The following NOC3L variants were observed in gnomAD, a reference collection of about 807,000 sequenced individuals.
NOC3L encodes nucleolar complex protein 3 homolog.
Under a neutral mutation model 102.5 loss-of-function variants are expected in NOC3L, and 85 were observed. The ratio of observed to expected loss-of-function variants is 0.83; its 90% CI spans 0.70 to 0.99. The LOEUF is 0.99. Ranked by LOEUF, NOC3L falls within the 50% of genes least tolerant of loss-of-function variation. The pLI, the probability that NOC3L is intolerant of heterozygous loss-of-function variation, is 0.00. For missense variants in NOC3L, 878 were observed against 914.9 expected (o/e 0.96, Z 0.52); for synonymous variants, 303 against 309.4 (o/e 0.98, Z 0.22).
intron 17 of NOC3L, among the ~76,000 whole-genome samples, chr10:94,339,237 A>G (rs1229699525): frequency 2.0e-5 from 3 of 152,246 alleles, no homozygotes; most frequent in Non-Finnish European, 4.4e-5. Context: ...AGGAACAAGA[A>G]TAGTAGCTAC....
At chr10:94,337,333 T>G (rs1159699932) in intron 19 of NOC3L, among the ~76,000 whole-genome samples, 7 of 146,456 alleles carry the variant, frequency 4.8e-5, no homozygotes, top group Non-Finnish European at 9.0e-5. Flanking sequence ...TTTTTTCTCC[T>G]CATCCTGCCC....
At chr10:94,330,722 T>G (rs1554921242), downstream of NOC3L, 3 of 150,980 alleles carry the variant, frequency 2.0e-5, no homozygotes, top group Non-Finnish European at 4.4e-5. Context: ...AAGAGTCTAG[T>G]CTACTATTAT....
At chr10:94,342,470 GA>G (rs2054296731) in intron 13 of NOC3L, among the ~76,000 whole-genome samples, 1 of 151,848 alleles carries the variant, frequency 6.6e-6, no homozygotes. Flanking sequence ...ACTTTTTGGA[GA>G]AGCAATCTGA....
In NOC3L at chr10:94,344,905, C is replaced by T. The variant is rs759357463; in HGVS notation, c.1418G>A (p.Arg473Gln). 102 of 1,610,858 alleles carry T rather than the reference C, an allele frequency of 6.3e-5. No individual in the cohort carries two copies. The East Asian group carries it at 1.9e-3, about 31-fold the overall frequency. The change falls in exon 12 of 21, where the codon CGA becomes CAA. Residue 473 changes from arginine to glutamine, a missense_variant. Arg to Gln is a conservative substitution (Grantham distance 43). Transcript: ENST00000371361. ...KWKKAEEKLE[R>Q]ELREAEASES... ...TGAAGCTTCTGCCTCTCGAAGCTCTCGCTCTAGTTTCTCTTCTGCTTTCTT... is the reference window on the plus strand; with the variant it reads ...TGAAGCTTCTGCCTCTCGAAGCTCTTGCTCTAGTTTCTCTTCTGCTTTCTT...
the NOC3L span, among the ~76,000 whole-genome samples, chr10:94,326,597 ACTT>A: frequency 8.5e-5 from 13 of 152,212 alleles, no homozygotes; most frequent in African/African-American, 2.7e-4. Context: ...CTACAAGATT[ACTT>A]CTTAAGTACA....
At position 94,357,210 on chromosome 10, in the gene NOC3L, T is replaced by C; in HGVS notation, c.472A>G (p.Lys158Glu). 1.2e-6 allele frequency: 2 copies of C among 1,600,424 alleles called. No homozygotes were observed. The highest frequency in any genetic ancestry group is 1.7e-6 in the Non-Finnish European group (2 of 1,173,402). ...CTAGTCTGTGGGATTATACCACTTT[T>C]ATCTTTGATAGGAAGTAAATGAATC... ...ELIHLLPIKDKSGIIPQTREK... is the reference protein window; with the variant it reads ...ELIHLLPIKDESGIIPQTREK... Residue 158 changes from lysine (K) to glutamate (E), a missense_variant, in exon 4 of 21, where the codon AAA becomes GAA. Transcript: ENST00000371361.
At chr10:94,323,695 A>G in the NOC3L span, among the ~76,000 whole-genome samples, 47,603 of 152,130 alleles carry the variant, frequency 0.31, 7,841 homozygotes, top group Middle Eastern at 0.48. Flanking sequence ...ATGATAACTT[A>G]GTTAATATTA....
At chr10:94,359,878 T>A (rs2054532805) in intron 2 of NOC3L, among the ~76,000 whole-genome samples, 1 of 151,842 alleles carries the variant, frequency 6.6e-6, no homozygotes, top group Middle Eastern at 3.4e-3. Flanking sequence ...ATATAATCCA[T>A]CAATCCCACC....
chr10:94,358,096 C>A lies in NOC3L; in HGVS notation c.337G>T (p.Asp113Tyr). 2 of 1,591,702 alleles carry A rather than the reference C, an allele frequency of 1.3e-6. No individual in the cohort carries two copies. The highest frequency in any genetic ancestry group is 8.6e-7 in the Non-Finnish European group (1 of 1,160,276). Residue 113 changes from aspartate (D) to tyrosine (Y), a missense_variant, in exon 3 of 21, where the codon GAT becomes TAT. Asp to Tyr is a radical substitution (Grantham distance 160). Transcript: ENST00000371361. Reference protein sequence around the residue: ...LGQRVSFLTRDLSSSEPVHAK... With the variant: ...LGQRVSFLTRYLSSSEPVHAK... Reference sequence around the variant, plus strand: ...ATGAAGTATTACCTAGAAGAAAGATCTCTTGTTAGAAAAGATACTCTTTGT... The same window carrying A: ...ATGAAGTATTACCTAGAAGAAAGATATCTTGTTAGAAAAGATACTCTTTGT...
the NOC3L span, among the ~76,000 whole-genome samples, chr10:94,318,104 C>T: frequency 6.6e-6 from 1 of 152,304 alleles, no homozygotes; most frequent in South Asian, 2.1e-4. Context: ...GAGCCCAGAG[C>T]CACTGCCTTC....
chr10:94,341,644 C>A (rs771425498), intron 14 of NOC3L, 29 bp downstream of exon 14: 11 of 1,213,692 alleles, frequency 9.1e-6, no homozygotes, highest in Non-Finnish European at 1.0e-5. Flanking sequence ...CCATTTATAT[C>A]TTTTAAAAAA....
intron 17 of NOC3L, 46 bp from the exon 18 acceptor site, chr10:94,338,782 AAT>A: frequency 6.4e-7 from 1 of 1,565,360 alleles, no homozygotes; most frequent in East Asian, 2.2e-5. Flanking sequence ...TAACATTGTT[AAT>A]ATAAGAGGTG....
chr10:94,334,756 C>A (rs2054198674), intron 19 of NOC3L, 38 bp from the exon 20 acceptor site: 1 of 1,334,872 alleles, frequency 7.5e-7, no homozygotes, highest in African/African-American at 1.5e-5. Flanking sequence ...GATACCACCA[C>A]ATCTGTGTAA....
chr10:94,336,840 A>G (rs964937683), intron 19 of NOC3L, among the ~76,000 whole-genome samples: 1 of 151,554 alleles, frequency 6.6e-6, no homozygotes, highest in Non-Finnish European at 1.5e-5. Flanking sequence ...AGGCCAAGGT[A>G]GGTGGATTAC....
At chr10:94,341,790 T>C (rs777396958) in intron 13 of NOC3L, 45 bp from the exon 14 acceptor site, 2 of 1,116,860 alleles carry the variant, frequency 1.8e-6, no homozygotes, top group East Asian at 5.0e-5. Context: ...AAAGCAGAAA[T>C]AAAGCTGGTA....
At chr10:94,335,738 A>G (rs2133982229) in intron 19 of NOC3L, among the ~76,000 whole-genome samples, 1 of 152,336 alleles carries the variant, frequency 6.6e-6, no homozygotes, top group Middle Eastern at 3.4e-3. Flanking sequence ...AACTAATTCA[A>G]TTTTTTTCAA....
chr10:94,324,871 G>A, the NOC3L span: 1 of 1,611,842 alleles, frequency 6.2e-7, no homozygotes, highest in South Asian at 1.1e-5. Context: ...AACACCAATG[G>A]AAGGTTCTTT....
At chr10:94,324,460 C>T in the NOC3L span, 20 of 1,614,046 alleles carry the variant, frequency 1.2e-5, no homozygotes, top group South Asian at 2.2e-4. Context: ...GACTACCACA[C>T]CAAAGTCCTC....
At chr10:94,325,027 G>T in the NOC3L span, 1 of 1,614,204 alleles carries the variant, frequency 6.2e-7, no homozygotes. Flanking sequence ...AACCAAGGAG[G>T]AGAAACCTGT....
Sources: gnomAD v4.1 joint callset for allele counts (sites outside exome capture counted in the v4.1 genomes callset) on GRCh38, gnomAD v4.1.1 for gene constraint, MANE v1.5 for transcripts, NCBI Gene and HGNC (gene_info 2026-07-23, HGNC 2026-07-21) for gene names.